ANXA9: variants seen among roughly 807,000 people sequenced by gnomAD.
ANXA9 encodes the protein annexin A9, also known as annexin 31.
ANXA9 carries 47 observed loss-of-function variants against 51.8 expected under a neutral mutation model. The observed-to-expected ratio is 0.91, with a 90% CI of 0.72 to 1.16. The LOEUF is 1.16. Ranked by LOEUF, ANXA9 falls within the 50% of genes most tolerant of loss-of-function variation. The pLI is 0.00. For missense variants in ANXA9, 361 were observed against 424.7 expected (o/e 0.85, Z 1.32); for synonymous variants, 154 against 168.7 (o/e 0.91, Z 0.68).
chr1:150,995,115 T>C (rs1671815467), intron 13 of ANXA9, 145 bp from the exon 14 acceptor site: 1 of 813,236 alleles, frequency 1.2e-6, no homozygotes, highest in Non-Finnish European at 1.9e-6. Flanking sequence ...CAGGAGTCTT[T>C]GGTTAATGTA....
chr1:150,987,804 C>A, intron 9 of ANXA9, 68 bp from the exon 10 acceptor site: 1 of 1,303,742 alleles, frequency 7.7e-7, no homozygotes, highest in Non-Finnish European at 1.1e-6. Context: ...GAACGTCATA[C>A]CCATGGCTCC....
At chr1:150,991,768 T>G (rs941486312) in intron 12 of ANXA9, among the ~76,000 whole-genome samples, 17 of 146,476 alleles carry the variant, frequency 1.2e-4, no homozygotes, top group Admixed American at 8.2e-4. Flanking sequence ...TGGCAAACTT[T>G]TTTTTTTTTC....
At chr1:150,977,608 T>A (rs1558036373), upstream of ANXA9, among the ~76,000 whole-genome samples, 1 of 152,200 alleles carries the variant, frequency 6.6e-6, no homozygotes. Flanking sequence ...CTGGGCAGGC[T>A]TTGTGGATGG....
At chr1:150,984,565 T>G (rs1160934884) in intron 6 of ANXA9, 21 bp from the exon 7 acceptor site, 1 of 1,610,572 alleles carries the variant, frequency 6.2e-7, no homozygotes, top group Admixed American at 1.7e-5. Flanking sequence ...AGTCTGAGAG[T>G]AGACTCCCAA....
In ANXA9 at chr1:150,983,114, G is replaced by A; in HGVS notation, c.9G>A (p.Val3=). The change falls in exon 3 of 14, where the codon GTG becomes GTA. Residue 3 remains valine, a synonymous_variant. Transcript: ENST00000368947. The part of the protein sequence containing the change: MS[V]TGGKMAPSLT... ...GGGCAACCAGTAGCACCATGTCTGT[G>A]ACTGGCGGGAAGATGGCACCGTCCC... The A allele has an allele frequency of 6.2e-7, 1 of 1,614,034 alleles. No individual in the cohort carries two copies. The highest frequency in any genetic ancestry group is 1.7e-5 in the Admixed American group (1 of 60,016).
intron 4 of ANXA9, among the ~76,000 whole-genome samples, chr1:150,983,733 C>G (rs1200000440): frequency 1.3e-5 from 2 of 152,282 alleles, no homozygotes; most frequent in South Asian, 2.1e-4. Flanking sequence ...GCCGATCCCC[C>G]CAAGTCGTAT....
intron 12 of ANXA9, among the ~76,000 whole-genome samples, chr1:150,991,153 AT>A (rs1243345297): frequency 5.3e-5 from 8 of 151,114 alleles, no homozygotes; most frequent in Non-Finnish European, 7.4e-5. Context: ...TAAAAAAAAA[AT>A]AATAATAATA....
At position 150,988,147 on chromosome 1, in the gene ANXA9, C is replaced by T. The variant is rs749748076; in HGVS notation, c.754C>T (p.Arg252Cys). The change falls in exon 11 of 14, where the codon CGT (arginine) becomes TGT (cysteine). Residue 252 changes from arginine to cysteine, a missense_variant. Transcript: ENST00000368947. ...AGAGCTGGAGGAGGCTGTCCAGAAC[C>T]GTTTCCATGGAGATGCTCAGGTGGC... is the stretch of plus-strand genomic sequence containing the variant. ...GQELEEAVQN[R>C]FHGDAQVALL... The T allele has an allele frequency of 1.2e-6, 2 of 1,614,174 alleles. No individual in the cohort carries two copies. Among genetic ancestry groups the T allele is most frequent in the Non-Finnish European group, 1.7e-6 (2 of 1,180,030 alleles).
At chr1:150,988,049 A>C (rs770352593) in intron 10 of ANXA9, 42 bp from the exon 11 acceptor site, 4 of 1,613,810 alleles carry the variant, frequency 2.5e-6, no homozygotes, top group Non-Finnish European at 3.4e-6. Context: ...AGAGATAATT[A>C]ATCCCCCATC....
Position 150,995,589 on chromosome 1 carries a change from T to C in ANXA9, c.*267T>C, listed in dbSNP as rs1195920025. Reference sequence around the variant, plus strand: ...GTTTCTGCCTCACTCATCCCTCCTGTACCCTGGCCAGAACATCTCACTGAT... The same window carrying C: ...GTTTCTGCCTCACTCATCCCTCCTGCACCCTGGCCAGAACATCTCACTGAT... On this transcript the variant is annotated 3_prime_UTR_variant, in exon 14 of 14. Transcript: ENST00000368947. 8.2e-6 allele frequency: 3 copies of C among 366,592 alleles called. No individual in the cohort carries two copies. Among genetic ancestry groups the C allele is most frequent in the East Asian group, 4.6e-5 (1 of 21,636 alleles). 22.7% of individuals were successfully genotyped at this position (366,592 alleles called of 1,614,324 possible). A position where few individuals can be genotyped will look rare whatever the true frequency, so the allele number is the denominator to read the frequency against.
chr1:150,985,889 T>C (rs1175750415), intron 7 of ANXA9, among the ~76,000 whole-genome samples: 1 of 152,004 alleles, frequency 6.6e-6, no homozygotes. Flanking sequence ...TTAATCCCTC[T>C]CCTACCTTCC....
At chr1:150,981,144 T>C (rs587601036), upstream of ANXA9, among the ~76,000 whole-genome samples, 4 of 152,296 alleles carry the variant, frequency 2.6e-5, no homozygotes, top group Admixed American at 6.5e-5. Context: ...CATTCTCCAG[T>C]TCTGACACAG....
intron 13 of ANXA9, 114 bp from the exon 14 acceptor site, chr1:150,995,146 G>A (rs1459854352): frequency 1.1e-5 from 12 of 1,087,414 alleles, no homozygotes; most frequent in East Asian, 1.0e-4. Context: ...CTGAGCTCCC[G>A]GGAGGACCCT....
chr1:150,980,639 G>C (rs905178504), upstream of ANXA9, among the ~76,000 whole-genome samples: 3 of 145,688 alleles, frequency 2.1e-5, no homozygotes, highest in Non-Finnish European at 4.5e-5. Flanking sequence ...GAGTGCAGTG[G>C]CGCCATCTCA....
chr1:150,990,142 C>G (rs1344253054), intron 12 of ANXA9, among the ~76,000 whole-genome samples: 1 of 151,740 alleles, frequency 6.6e-6, no homozygotes, highest in East Asian at 1.9e-4. Context: ...GAACTCGTCT[C>G]TACAAAAATA....
At chr1:150,987,346 A>G (rs931016121) in intron 9 of ANXA9, among the ~76,000 whole-genome samples, 6 of 145,652 alleles carry the variant, frequency 4.1e-5, no homozygotes, top group Non-Finnish European at 6.0e-5. Flanking sequence ...ACAGAGAGAG[A>G]CCCCATCTCT....
chr1:150,977,579 C>T (rs1286592530), upstream of ANXA9, among the ~76,000 whole-genome samples: 1 of 152,228 alleles, frequency 6.6e-6, no homozygotes, highest in African/African-American at 2.4e-5. Flanking sequence ...TCCAGGCCTT[C>T]AGCCCCGAGT....
At chr1:150,981,932 C>T (rs927791496), upstream of ANXA9, 1 of 152,266 alleles carries the variant, frequency 6.6e-6, no homozygotes, top group Admixed American at 6.5e-5. Flanking sequence ...ACCTGCCCCC[C>T]AGGGAGCTGG....
At chr1:150,990,021 G>C (rs1671658617) in intron 12 of ANXA9, among the ~76,000 whole-genome samples, 1 of 151,626 alleles carries the variant, frequency 6.6e-6, no homozygotes, top group East Asian at 2.0e-4. Context: ...AGAAGTAGTA[G>C]TCAGGGGCCA....
Sources: allele counts gnomAD v4.1 joint callset (sites outside exome capture counted in the v4.1 genomes callset), GRCh38; gene constraint gnomAD v4.1.1; transcripts MANE v1.5; gene names NCBI Gene and HGNC (gene_info 2026-07-23, HGNC 2026-07-21).